TSGA10: variants seen among roughly 807,000 people sequenced by gnomAD.
The protein encoded by TSGA10 is testis specific 10.
TSGA10 carries 43 observed loss-of-function variants against 96.6 expected under a neutral mutation model. That is an observed-to-expected ratio of 0.44 (90% CI 0.35 to 0.57). TSGA10 has a LOEUF of 0.57. TSGA10 is among the 20% of genes least tolerant of loss of function. TSGA10 has a pLI of 0.01. For synonymous variants in TSGA10, 229 were observed against 269.9 expected, an observed-to-expected ratio of 0.85 and a Z score of 1.48; for missense variants, 703 against 834.4, an observed-to-expected ratio of 0.84 and a Z score of 1.94.
chr2:98,998,515 T>G (rs1298232614), intron 20 of TSGA10, among the ~76,000 whole-genome samples: 2 of 152,154 alleles, frequency 1.3e-5, no homozygotes, highest in African/African-American at 4.8e-5. Flanking sequence ...AAAGGTTATC[T>G]CAAAACGACA....
chr2:99,110,282 A>G (rs1273965478), intron 5 of TSGA10, among the ~76,000 whole-genome samples: 1 of 152,256 alleles, frequency 6.6e-6, no homozygotes, highest in Non-Finnish European at 1.5e-5. Flanking sequence ...ACTTGTAAGC[A>G]TTCCCACAAA....
intron 12 of TSGA10, among the ~76,000 whole-genome samples, chr2:99,076,953 T>A (rs1248784393): frequency 6.6e-6 from 1 of 152,060 alleles, no homozygotes; most frequent in Non-Finnish European, 1.5e-5. Context: ...GGAAGATTTT[T>A]CCAGACCTTC....
At chr2:99,076,081 G>A (rs2086670365) in intron 12 of TSGA10, among the ~76,000 whole-genome samples, 2 of 151,960 alleles carry the variant, frequency 1.3e-5, no homozygotes, top group African/African-American at 2.4e-5. Flanking sequence ...AAGTCCAAGA[G>A]CCTTTAAATA....
At chr2:99,092,887 C>T (rs1047782252) in intron 10 of TSGA10, among the ~76,000 whole-genome samples, 9 of 152,050 alleles carry the variant, frequency 5.9e-5, no homozygotes, top group African/African-American at 1.9e-4. Context: ...AGGGAATTTT[C>T]CCTAAATCAT....
rs111472791 is a variant in TSGA10 at position 99,074,508 on chromosome 2, T to TAAA, written c.883-1438_883-1436dup. On this transcript the variant is annotated intron_variant, in intron 12 of 20. Transcript: ENST00000393483. ...ACTGGTGTGTTGTTAAAATATGCAT[T>TAAA]AAAAAAAAAGTTAAACCCCTTCAAG... Among the ~76,000 whole-genome samples the TAAA allele has an allele frequency of 4.5e-3, 683 of 150,342 alleles. 7 individuals carry two copies. Among genetic ancestry groups the TAAA allele is most frequent in the African/African-American group, 0.016 (650 of 40,810 alleles).
At chr2:99,023,237 C>T (rs1285744880) in intron 17 of TSGA10, among the ~76,000 whole-genome samples, 3 of 152,068 alleles carry the variant, frequency 2.0e-5, no homozygotes, top group East Asian at 1.9e-4. Context: ...TGGGCTCAAA[C>T]GATCCTCCTG....
intron 17 of TSGA10, among the ~76,000 whole-genome samples, chr2:99,022,458 C>T (rs919758726): frequency 3.3e-5 from 5 of 151,384 alleles, no homozygotes; most frequent in Non-Finnish European, 5.9e-5. Flanking sequence ...AATGTGTATG[C>T]GGTCTTTTGT....
At chr2:99,141,106 G>A (rs997282621) in intron 1 of TSGA10, 1 of 1,284,278 alleles carries the variant, frequency 7.8e-7, no homozygotes, top group Non-Finnish European at 1.0e-6. Context: ...TCCCTCCCCG[G>A]GCTCCTCGGC....
intron 1 of TSGA10, among the ~76,000 whole-genome samples, chr2:99,149,785 CTTTTTTTTTT>C (rs70940143): frequency 8.9e-6 from 1 of 112,400 alleles, no homozygotes; most frequent in African/African-American, 3.7e-5. Context: ...TCACAAGTAT[CTTTTTTTTTT>C]TTTTTTTTTT....
intron 15 of TSGA10, 44 bp from the exon 16 acceptor site, chr2:99,065,168 T>A: frequency 6.3e-7 from 1 of 1,576,184 alleles, no homozygotes; most frequent in Non-Finnish European, 8.6e-7. Flanking sequence ...GCTGAACATA[T>A]GATAAAAATT....
At chr2:99,055,333 G>A (rs766801091) in intron 16 of TSGA10, among the ~76,000 whole-genome samples, 11 of 152,104 alleles carry the variant, frequency 7.2e-5, no homozygotes, top group Non-Finnish European at 1.0e-4. Flanking sequence ...GAGTAGAATG[G>A]TGGTTACCTG....
chr2:99,023,685 T>C (rs1367829170), intron 17 of TSGA10, among the ~76,000 whole-genome samples: 1 of 152,230 alleles, frequency 6.6e-6, no homozygotes, highest in Admixed American at 6.5e-5. Context: ...CACCTGTATT[T>C]TGAAAAATCA....
At chr2:99,101,244 CAAAAAAAA>C (rs869263270) in intron 10 of TSGA10, among the ~76,000 whole-genome samples, 1 of 24,348 alleles carries the variant, frequency 4.1e-5, no homozygotes, top group East Asian at 1.2e-3. Flanking sequence ...GACTCTGTCT[CAAAAAAAA>C]AAAAAAAAAA....
intron 18 of TSGA10, among the ~76,000 whole-genome samples, chr2:99,019,682 T>A (rs1019954256): frequency 3.3e-5 from 5 of 152,102 alleles, no homozygotes; most frequent in Non-Finnish European, 5.9e-5. Context: ...GGGTCCCCCA[T>A]CAGTTTTTAT....
At chr2:99,141,224 A>C (rs1574733135) in intron 1 of TSGA10, 33 of 1,021,110 alleles carry the variant, frequency 3.2e-5, no homozygotes, top group South Asian at 1.2e-4. Context: ...CTCCCTTCCC[A>C]CCCCCAAATC....
intron 10 of TSGA10, 42 bp downstream of exon 10, chr2:99,103,925 G>A (rs1202421132): frequency 1.9e-6 from 3 of 1,596,410 alleles, no homozygotes; most frequent in Non-Finnish European, 2.6e-6. Context: ...CAGAGCTATA[G>A]TTATAGTAAA....
At chr2:99,007,902 T>C (rs1245319239) in intron 20 of TSGA10, among the ~76,000 whole-genome samples, 1 of 152,136 alleles carries the variant, frequency 6.6e-6, no homozygotes, top group Non-Finnish European at 1.5e-5. Context: ...GGACTGCACA[T>C]GAATAGGCAG....
chr2:99,036,334 C>T (rs2081623240), intron 16 of TSGA10, among the ~76,000 whole-genome samples: 1 of 152,032 alleles, frequency 6.6e-6, no homozygotes, highest in Non-Finnish European at 1.5e-5. Flanking sequence ...TTTTATCCAT[C>T]CTTCCATCCA....
chr2:99,127,641 G>A (rs1419268130), intron 1 of TSGA10, among the ~76,000 whole-genome samples: 2 of 152,176 alleles, frequency 1.3e-5, no homozygotes, highest in Non-Finnish European at 2.9e-5. Flanking sequence ...GGCAAAGAAT[G>A]TGAACATTTA....
Sources: allele counts gnomAD v4.1 joint callset (sites outside exome capture counted in the v4.1 genomes callset), GRCh38; gene constraint gnomAD v4.1.1; transcripts MANE v1.5; gene names NCBI Gene and HGNC (gene_info 2026-07-23, HGNC 2026-07-21).